Variants in RAB3GAP2 observed in about 807,000 individuals in gnomAD.
RAB3GAP2 encodes RAB3 GTPase activating non-catalytic protein subunit 2.
A neutral mutation model predicts 185.3 loss-of-function variants in RAB3GAP2; 87 were observed. That is an observed-to-expected ratio of 0.47 (90% CI 0.39 to 0.56). The LOEUF is 0.56. Among genes scored for constraint, RAB3GAP2 ranks in the 20% least tolerant of loss-of-function variants. RAB3GAP2 has a pLI of 0.00. For missense variants in RAB3GAP2, 1,492 were observed against 1,638.2 expected, an observed-to-expected ratio of 0.91 and a Z score of 1.54; for synonymous variants, 554 against 576.1, an observed-to-expected ratio of 0.96 and a Z score of 0.55.
intron 2 of RAB3GAP2, among the ~76,000 whole-genome samples, chr1:220,222,558 C>CA (rs913302694): frequency 2.2e-4 from 33 of 152,042 alleles, no homozygotes; most frequent in Non-Finnish European, 4.1e-4. Flanking sequence ...AAATTAATCA[C>CA]AAAAAAACTA....
chr1:220,160,570 A>G (rs1657947007), intron 28 of RAB3GAP2, among the ~76,000 whole-genome samples: 1 of 152,226 alleles, frequency 6.6e-6, no homozygotes, highest in South Asian at 2.1e-4. Flanking sequence ...CCAAATTCAC[A>G]GCCTGCACAG....
intron 8 of RAB3GAP2, among the ~76,000 whole-genome samples, chr1:220,203,279 T>C (rs1658897145): frequency 6.6e-6 from 1 of 152,240 alleles, no homozygotes; most frequent in Non-Finnish European, 1.5e-5. Context: ...CATAGATTCA[T>C]GTACATCCCA....
At chr1:220,220,709 T>A (rs1659289834) in intron 2 of RAB3GAP2, 1 of 152,228 alleles carries the variant, frequency 6.6e-6, no homozygotes, top group Non-Finnish European at 1.5e-5. Context: ...TGGAGGTGGG[T>A]CTCTCCTGCC....
Position 220,210,989 on chromosome 1 carries a change from T to G in RAB3GAP2, c.400A>C (p.Ser134Arg). 1 of 1,613,776 alleles carries G rather than the reference T, an allele frequency of 6.2e-7. No individual in the cohort carries two copies. Among genetic ancestry groups the G allele is most frequent in the Non-Finnish European group, 8.5e-7 (1 of 1,179,906 alleles). Residue 134 changes from serine to arginine, a missense_variant, in exon 5 of 35, where the codon AGT becomes CGT. Ser to Arg is a moderately radical substitution (Grantham distance 110). Coordinates refer to ENST00000358951, the MANE Select transcript of RAB3GAP2 (RefSeq NM_012414.4). Reference sequence around the variant, plus strand: ...CTTGCTAGTGGGATACATAGAGCACTGGTTACACATTCCCTAAAAACAAAA... The same window carrying G: ...CTTGCTAGTGGGATACATAGAGCACGGGTTACACATTCCCTAAAAACAAAA... ...LNVEEGECVT[S>R]ALCIPLASQK...
Position 220,206,023 on chromosome 1 carries a change from AAAAAAAAGTTCTTGAATAGATAAAT to A in RAB3GAP2, c.613-42_613-18del, listed in dbSNP as rs746193423. 1.3e-6 allele frequency: 2 copies of A among 1,491,812 alleles called. No homozygotes were observed. The highest frequency in any genetic ancestry group is 1.8e-6 in the Non-Finnish European group (2 of 1,086,686). The allele number at this position is 1,491,812 out of a possible 1,614,324, so 92.4% of individuals were successfully genotyped here. A position where few individuals can be genotyped will look rare whatever the true frequency, so the allele number is the denominator to read the frequency against. ...CTCTTCATTCTATTTAAGAAATAAA[AAAAAAAAGTTCTTGAATAGATAAAT>A]AAGCTTATCTACTTTTTATTATACT... On this transcript the variant is annotated intron_variant, in intron 7 of 34. Transcript: ENST00000358951.
intron 18 of RAB3GAP2, among the ~76,000 whole-genome samples, chr1:220,185,134 T>G (rs1324346307): frequency 6.6e-6 from 1 of 152,116 alleles, no homozygotes; most frequent in Non-Finnish European, 1.5e-5. Flanking sequence ...ACTAGTTCAG[T>G]TGGATGGAAT....
At chr1:220,253,417 T>C (rs533590363) in intron 1 of RAB3GAP2, among the ~76,000 whole-genome samples, 70 of 151,204 alleles carry the variant, frequency 4.6e-4, no homozygotes, top group African/African-American at 1.7e-3. Context: ...AACCCTATGG[T>C]AGAGTGGCCA....
chr1:220,180,344 C>G (rs1443499338), intron 21 of RAB3GAP2, among the ~76,000 whole-genome samples: 2 of 151,528 alleles, frequency 1.3e-5, no homozygotes, highest in African/African-American at 4.8e-5. Flanking sequence ...TACACAAGAT[C>G]AACAAAAAAA....
chr1:220,249,020 T>C (rs1571928047), intron 1 of RAB3GAP2, among the ~76,000 whole-genome samples: 2 of 152,318 alleles, frequency 1.3e-5, no homozygotes, highest in South Asian at 4.1e-4. Flanking sequence ...CTCAGGTATG[T>C]CCTGATGGCA....
At chr1:220,167,258 C>G in intron 26 of RAB3GAP2, 35 bp downstream of exon 26, 1 of 1,557,514 alleles carries the variant, frequency 6.4e-7, no homozygotes, top group African/African-American at 1.4e-5. Flanking sequence ...AACACAGAAG[C>G]AGAAATAACA....
chr1:220,231,023 T>C (rs967906783), intron 2 of RAB3GAP2, among the ~76,000 whole-genome samples: 1 of 152,224 alleles, frequency 6.6e-6, no homozygotes, highest in Non-Finnish European at 1.5e-5. Context: ...TAATTGGTCT[T>C]CCTGCTTCTA....
At chr1:220,254,107 C>T (rs1477887323) in intron 1 of RAB3GAP2, 1 of 1,613,900 alleles carries the variant, frequency 6.2e-7, no homozygotes, top group African/African-American at 1.3e-5. Flanking sequence ...CAGGCAAAAA[C>T]AGCTCTTTTA....
rs1657746725 is a variant in RAB3GAP2 at position 220,151,251 on chromosome 1, T to C, written c.4182A>G (p.Ter1394TrpextTer11). 6.2e-7 allele frequency: 1 copy of C among 1,613,192 alleles called. No homozygotes were observed. The change falls in exon 35 of 35, where the codon TGA becomes TGG. Residue 1394 changes from the stop codon to tryptophan, a stop_lost. Coordinates refer to ENST00000358951, the MANE Select transcript of RAB3GAP2 (RefSeq NM_012414.4). ...TTAGACTATTTCCAGTAGGTAAGTGTCATAAAGAAGGAAGAGATATGGCTT... is the reference window on the plus strand; with the variant it reads ...TTAGACTATTTCCAGTAGGTAAGTGCCATAAAGAAGGAAGAGATATGGCTT... ...AVEAISLPSL[*>W]
At chr1:220,243,720 G>A (rs917544291) in intron 1 of RAB3GAP2, among the ~76,000 whole-genome samples, 2 of 152,116 alleles carry the variant, frequency 1.3e-5, no homozygotes, top group Admixed American at 6.5e-5. Context: ...AGCATAACAC[G>A]TTAAACAGCA....
intron 1 of RAB3GAP2, chr1:220,253,509 G>A: frequency 6.6e-7 from 1 of 1,508,112 alleles, no homozygotes; most frequent in Non-Finnish European, 9.0e-7. Flanking sequence ...GGGTGGGGTA[G>A]AGAGTAGGGG....
chr1:220,224,370 AAAG>A (rs1659365704), intron 2 of RAB3GAP2, among the ~76,000 whole-genome samples: 1 of 152,178 alleles, frequency 6.6e-6, no homozygotes, highest in Admixed American at 6.5e-5. Flanking sequence ...TTATAGGAAA[AAAG>A]AAAAGAAAAA....
chr1:220,190,205 T>C, intron 15 of RAB3GAP2, 59 bp from the exon 16 acceptor site: 2 of 1,538,194 alleles, frequency 1.3e-6, no homozygotes, highest in Non-Finnish European at 1.8e-6. Context: ...TTTCTAATTC[T>C]GACACACTCC....
At chr1:220,152,088 T>C (rs1193286818) in intron 33 of RAB3GAP2, among the ~76,000 whole-genome samples, 1 of 152,164 alleles carries the variant, frequency 6.6e-6, no homozygotes, top group Non-Finnish European at 1.5e-5. Flanking sequence ...TTTTTTGTTG[T>C]TTTTTGAGAT....
Position 220,159,493 on chromosome 1 carries a change from T to TA in RAB3GAP2, c.3226-73dup, listed in dbSNP as rs11435010. The TA allele has an allele frequency of 0.033, 39,003 of 1,172,876 alleles. 2,957 individuals are homozygous for TA. Among genetic ancestry groups the TA allele is most frequent in the African/African-American group, 0.23 (14,476 of 63,480 alleles). 72.7% of individuals were successfully genotyped at this position (1,172,876 alleles called of 1,614,324 possible). ...AAAGACATTACTATGGCACAAATAA[T>TA]AAAAAGTAACCGAATTTAAAAACCG... is the stretch of plus-strand genomic sequence containing the variant. On this transcript the variant is annotated intron_variant, in intron 28 of 34. Transcript: ENST00000358951.
Sources: gnomAD v4.1 joint callset for allele counts (sites outside exome capture counted in the v4.1 genomes callset) on GRCh38, gnomAD v4.1.1 for gene constraint, MANE v1.5 for transcripts, NCBI Gene and HGNC (gene_info 2026-07-23, HGNC 2026-07-21) for gene names.